CP: variants seen among roughly 807,000 people sequenced by gnomAD.
CP encodes caeruloplasmin.
CP carries 64 observed loss-of-function variants against 122.4 expected under a neutral mutation model. The ratio of observed to expected loss-of-function variants is 0.52; its 90% CI spans 0.43 to 0.64. The LOEUF is 0.64. CP is among the 30% of genes least tolerant of loss of function. The pLI is 0.00. For missense variants in CP, 1,167 were observed against 1,284.4 expected (o/e 0.91, Z 1.40); for synonymous variants, 440 against 436.4 (o/e 1.01, Z -0.10).
chr3:149,187,310 A>T (rs976563475), intron 10 of CP, among the ~76,000 whole-genome samples: 9 of 151,544 alleles, frequency 5.9e-5, no homozygotes, highest in Admixed American at 1.3e-4. Context: ...TACCTAGCTT[A>T]AAAAAAAATC....
Position 149,199,878 on chromosome 3 carries a change from G to A in CP, c.1349-14C>T, listed in dbSNP as rs766431900. The stretch of plus-strand genomic sequence containing the variant: ...AAATGACAGGACCTGGGAACAAAGA[G>A]AGAATTATTATCCTTCCTTGGTATG... On this transcript the variant is annotated splice_polypyrimidine_tract_variant and intron_variant, in intron 7 of 18. Coordinates refer to ENST00000264613, the MANE Select transcript of CP (RefSeq NM_000096.4). The A allele has an allele frequency of 3.1e-6, 5 of 1,613,310 alleles. No individual in the cohort carries two copies. In the Admixed American group the frequency reaches 8.3e-5, roughly 27 times the overall value.
intron 4 of CP, among the ~76,000 whole-genome samples, chr3:149,208,807 T>G (rs569242230): frequency 1.3e-5 from 2 of 152,296 alleles, no homozygotes; most frequent in East Asian, 3.9e-4. Context: ...ACGAATACCT[T>G]TCAGAACTCG....
chr3:149,170,053 G>A (rs1321435365), downstream of CP, among the ~76,000 whole-genome samples: 1 of 152,108 alleles, frequency 6.6e-6, no homozygotes, highest in Non-Finnish European at 1.5e-5. Flanking sequence ...ATACCCATTA[G>A]TTTACCCTAT....
intron 18 of CP, 42 bp from the exon 19 acceptor site, chr3:149,173,772 T>A: frequency 9.5e-7 from 1 of 1,054,030 alleles, no homozygotes; most frequent in Non-Finnish European, 1.4e-6. Flanking sequence ...AAAAATAATA[T>A]ATGGTTAGAA....
chr3:149,179,143 C>A (rs942364791), intron 15 of CP, among the ~76,000 whole-genome samples: 1 of 152,200 alleles, frequency 6.6e-6, no homozygotes, highest in Non-Finnish European at 1.5e-5. Context: ...CATTTCTTTT[C>A]TCCCTCCTTA....
chr3:149,203,018 T>C (rs1396129041), intron 6 of CP, among the ~76,000 whole-genome samples: 1 of 149,472 alleles, frequency 6.7e-6, no homozygotes, highest in African/African-American at 2.5e-5. Flanking sequence ...GCAATTCTCC[T>C]GCCTCAGCCT....
At chr3:149,191,695 A>G (rs149686785) in intron 9 of CP, among the ~76,000 whole-genome samples, 156 of 152,232 alleles carry the variant, frequency 1.0e-3, no homozygotes, top group African/African-American at 3.5e-3. Flanking sequence ...TATAGAACCT[A>G]TATGAATCAG....
chr3:149,200,414 A>G (rs1040093267), intron 7 of CP, among the ~76,000 whole-genome samples: 12 of 152,168 alleles, frequency 7.9e-5, no homozygotes, highest in Non-Finnish European at 1.8e-4. Flanking sequence ...GTGTATGTCT[A>G]TTAACTGATT....
At chr3:149,204,565 G>A (rs1727574312) in intron 6 of CP, among the ~76,000 whole-genome samples, 1 of 152,230 alleles carries the variant, frequency 6.6e-6, no homozygotes, top group South Asian at 2.1e-4. Context: ...AGGTGTCAGT[G>A]TAGCATGGGA....
Position 149,210,372 on chromosome 3 carries a change from G to C in CP, c.402C>G (p.Ile134Met). The change falls in exon 3 of 19, where the codon ATC (isoleucine) becomes ATG (methionine). Residue 134 changes from isoleucine (I) to methionine (M), a missense_variant. Physicochemically the swap from Ile to Met is conservative, Grantham distance 10. Transcript: ENST00000264613. ...ITYYKEHEGA[I>M]YPDNTTDFQR... ...GAAAATCTGTGGTGTTATCAGGGTA[G>C]ATGGCCCCTAGGAAGCAACATGCAA... is the stretch of plus-strand genomic sequence containing the variant. The C allele has an allele frequency of 6.2e-7, 1 of 1,613,994 alleles. No individual in the cohort carries two copies. The highest frequency in any genetic ancestry group is 8.5e-7 in the Non-Finnish European group (1 of 1,179,876).
chr3:149,166,878 T>A (rs1724477726), intron 4 of CP, among the ~76,000 whole-genome samples: 1 of 152,230 alleles, frequency 6.6e-6, no homozygotes, highest in African/African-American at 2.4e-5. Context: ...ATACTTAGAT[T>A]TATTAAATAA....
At chr3:149,168,445 A>G (rs1724649430), downstream of CP, 1 of 172,280 alleles carries the variant, frequency 5.8e-6, no homozygotes, top group Non-Finnish European at 1.3e-5. Flanking sequence ...AGTTATTTGA[A>G]TTTTCATAAT....
At chr3:149,169,382 G>T (rs1724756087), downstream of CP, among the ~76,000 whole-genome samples, 1 of 152,186 alleles carries the variant, frequency 6.6e-6, no homozygotes, top group African/African-American at 2.4e-5. Flanking sequence ...AATGTCGTGA[G>T]ACTAAATGAG....
chr3:149,168,418 G>A (rs571111349), downstream of CP: 11 of 193,394 alleles, frequency 5.7e-5, no homozygotes, highest in South Asian at 2.8e-4. Context: ...AAATTGTACC[G>A]TATTTTACAG....
Position 149,198,444 on chromosome 3 carries a change from T to A in CP, c.1636A>T (p.Thr546Ser). Residue 546 changes from threonine (T) to serine (S), a missense_variant, in exon 9 of 19, where the codon ACT becomes TCT. By Grantham distance (58) the Thr-to-Ser change is moderately conservative. This residue lies in a region of CP where 525 missense variants were observed against 657.2 expected (regional missense o/e 0.80). Transcript: ENST00000264613. The part of the protein sequence containing the change: ...AKMYYSAVEP[T>S]KDIFTGLIGP... ...ATAAGCCCAGTGAATATATCTTTAG[T>A]GGGTTCCACAGCAGAATAATACATC... 1 of 1,613,046 alleles carries A rather than the reference T, an allele frequency of 6.2e-7. No individual in the cohort carries two copies. Among genetic ancestry groups the A allele is most frequent in the Non-Finnish European group, 8.5e-7 (1 of 1,178,968 alleles).
intron 14 of CP, 143 bp downstream of exon 14, chr3:149,181,862 C>T (rs1391652670): frequency 5.4e-6 from 5 of 930,430 alleles, no homozygotes; most frequent in Non-Finnish European, 8.5e-6. Context: ...CTTGCATACA[C>T]ACAGACACCT....
At chr3:149,200,993 T>C (rs953511432) in intron 7 of CP, among the ~76,000 whole-genome samples, 1 of 152,168 alleles carries the variant, frequency 6.6e-6, no homozygotes, top group African/African-American at 2.4e-5. Context: ...CTCTGTTTGC[T>C]CACCCACTGT....
chr3:149,162,918 T>C (rs1724031713), intron 5 of CP: 2 of 1,487,034 alleles, frequency 1.3e-6, no homozygotes, highest in Non-Finnish European at 9.4e-7. Context: ...AACTCATGCA[T>C]TGCCCATTAC....
intron 7 of CP, among the ~76,000 whole-genome samples, chr3:149,200,723 C>T (rs1300969136): frequency 6.6e-6 from 1 of 151,572 alleles, no homozygotes; most frequent in East Asian, 1.9e-4. Context: ...GTTGACCAGG[C>T]TAGTCTCGAA....
Sources: gnomAD v4.1 joint callset for allele counts (sites outside exome capture counted in the v4.1 genomes callset) on GRCh38, gnomAD v4.1.1 for gene constraint, gnomAD v4.1.1 regional missense constraint, MANE v1.5 for transcripts, NCBI Gene and HGNC (gene_info 2026-07-23, HGNC 2026-07-21) for gene names.